Variants in STT3B observed in about 807,000 individuals in gnomAD.
STT3B encodes the protein STT3 oligosaccharyltransferase complex catalytic subunit B, also known as dolichyl-diphosphooligosaccharide--protein glycosyltransferase subunit STT3B.
In STT3B, 29 loss-of-function variants were observed where a neutral mutation model predicts 96.8. The ratio of observed to expected loss-of-function variants is 0.30; its 90% CI spans 0.22 to 0.41. The LOEUF is 0.41. STT3B is among the 10% of genes least tolerant of loss of function. The probability of loss-of-function intolerance (pLI) is 1.00; values close to 1 mark genes in which losing one functional copy is unlikely to be tolerated. For synonymous variants in STT3B, 367 were observed against 360.0 expected (o/e 1.02, Z -0.22); for missense variants, 640 against 1,022.3 (o/e 0.63, Z 5.10).
intron 5 of STT3B, among the ~76,000 whole-genome samples, chr3:31,600,835 C>T (rs1402919414): frequency 1.3e-5 from 2 of 152,060 alleles, no homozygotes; most frequent in Admixed American, 6.5e-5. Context: ...CTTTCAGAAG[C>T]TCTTTTTTGG....
intron 4 of STT3B, among the ~76,000 whole-genome samples, chr3:31,599,478 T>C (rs1698876448): frequency 6.6e-6 from 1 of 152,184 alleles, no homozygotes; most frequent in South Asian, 2.1e-4. Flanking sequence ...GGCAGAAAAC[T>C]GATGTATGTA....
intron 11 of STT3B, among the ~76,000 whole-genome samples, chr3:31,624,299 C>T (rs902893545): frequency 1.3e-5 from 2 of 152,192 alleles, no homozygotes; most frequent in Admixed American, 6.5e-5. Context: ...CTTTCTTTGT[C>T]CTCTCCTCCA....
intron 3 of STT3B, among the ~76,000 whole-genome samples, chr3:31,582,065 T>G (rs970987768): frequency 7.9e-5 from 12 of 152,180 alleles, no homozygotes; most frequent in African/African-American, 2.9e-4. Flanking sequence ...TTTAGTGATT[T>G]GAGTCTTCTC....
At chr3:31,573,526 TGA>T (rs1298149262) in intron 1 of STT3B, among the ~76,000 whole-genome samples, 5 of 152,106 alleles carry the variant, frequency 3.3e-5, no homozygotes, top group Non-Finnish European at 7.4e-5. Flanking sequence ...GTATAGGATG[TGA>T]GAGAGAAGGA....
intron 1 of STT3B, among the ~76,000 whole-genome samples, chr3:31,565,731 G>A (rs1437877777): frequency 2.0e-5 from 3 of 152,166 alleles, no homozygotes; most frequent in Non-Finnish European, 2.9e-5. Context: ...TGGTGAGTGA[G>A]GATGGTTGTT....
chr3:31,565,726 A>G (rs1697988782), intron 1 of STT3B, among the ~76,000 whole-genome samples: 1 of 152,178 alleles, frequency 6.6e-6, no homozygotes, highest in Admixed American at 6.5e-5. Flanking sequence ...TAAGGTGGTG[A>G]GTGAGGATGG....
rs142452872 is a variant in STT3B at position 31,589,890 on chromosome 3, T to A, written c.712-6908T>A. Among the ~76,000 whole-genome samples the A allele has an allele frequency of 2.2e-3, 333 of 152,068 alleles. 1 individual carries two copies. The highest frequency in any genetic ancestry group is 0.01 in the Middle Eastern group (3 of 294). On this transcript the variant is annotated intron_variant, in intron 3 of 15. Coordinates refer to ENST00000295770, the MANE Select transcript of STT3B (RefSeq NM_178862.3). ...CTAACATCACGTTGGACAGGGTACT[T>A]TTTCCTGCCCTATTTCCTGAAATAA...
chr3:31,619,952 T>G, intron 9 of STT3B, 122 bp downstream of exon 9: 1 of 1,510,538 alleles, frequency 6.6e-7, no homozygotes, highest in Non-Finnish European at 8.8e-7. Flanking sequence ...ATTTTCTCCT[T>G]TATTTTGCAT....
chr3:31,543,205 C>T (rs892822923), intron 1 of STT3B, among the ~76,000 whole-genome samples: 1 of 151,928 alleles, frequency 6.6e-6, no homozygotes, highest in African/African-American at 2.4e-5. Context: ...TTACTTAGGA[C>T]TGTTTATTTG....
chr3:31,550,551 A>G (rs1697526543), intron 1 of STT3B, among the ~76,000 whole-genome samples: 1 of 152,236 alleles, frequency 6.6e-6, no homozygotes, highest in Non-Finnish European at 1.5e-5. Context: ...GAGTTAACCT[A>G]GTAAAAAAAG....
chr3:31,584,815 A>C (rs1210440026), intron 3 of STT3B, among the ~76,000 whole-genome samples: 1 of 152,148 alleles, frequency 6.6e-6, no homozygotes, highest in Non-Finnish European at 1.5e-5. Flanking sequence ...TGACAAATTG[A>C]CACTTTTGAA....
At chr3:31,560,869 T>G (rs1697861788) in intron 1 of STT3B, among the ~76,000 whole-genome samples, 1 of 152,132 alleles carries the variant, frequency 6.6e-6, no homozygotes, top group Admixed American at 6.5e-5. Context: ...TCTCTTCACC[T>G]TCTAGGACAC....
intron 6 of STT3B, among the ~76,000 whole-genome samples, chr3:31,616,109 T>C (rs1346293055): frequency 6.6e-6 from 1 of 151,880 alleles, no homozygotes; most frequent in Non-Finnish European, 1.5e-5. Context: ...AGGGAAACTG[T>C]ATTTTTATGC....
chr3:31,608,822 A>G (rs762554947), intron 5 of STT3B, among the ~76,000 whole-genome samples: 7 of 152,252 alleles, frequency 4.6e-5, no homozygotes, highest in Non-Finnish European at 7.3e-5. Context: ...CGACAATAAG[A>G]AAAGGATGTG....
At chr3:31,633,332 A>C in intron 15 of STT3B, 185 bp downstream of exon 15, 1 of 614,132 alleles carries the variant, frequency 1.6e-6, no homozygotes, top group Non-Finnish European at 2.7e-6. Context: ...AGCACTTCAG[A>C]TATCCCAAGC....
intron 1 of STT3B, among the ~76,000 whole-genome samples, chr3:31,541,727 C>T (rs1697275191): frequency 6.6e-6 from 1 of 152,042 alleles, no homozygotes; most frequent in Non-Finnish European, 1.5e-5. Context: ...CAGGCGCCCG[C>T]GACCATGCCC....
At chr3:31,611,181 C>T (rs547159804) in intron 5 of STT3B, among the ~76,000 whole-genome samples, 98 of 152,224 alleles carry the variant, frequency 6.4e-4, no homozygotes, top group Non-Finnish European at 1.3e-3. Flanking sequence ...CAGTACCAGA[C>T]ATTAATTACC....
chr3:31,602,514 A>G (rs1698951618), intron 5 of STT3B, among the ~76,000 whole-genome samples: 1 of 152,142 alleles, frequency 6.6e-6, no homozygotes, highest in African/African-American at 2.4e-5. Context: ...GAAGTAGTCA[A>G]ATAAGTATAT....
chr3:31,616,183 A>G (rs926200746), intron 6 of STT3B, among the ~76,000 whole-genome samples: 6 of 151,916 alleles, frequency 3.9e-5, no homozygotes, highest in Non-Finnish European at 5.9e-5. Context: ...AGTACGATCT[A>G]ATGGCAACAG....
Sources: allele counts gnomAD v4.1 joint callset (sites outside exome capture counted in the v4.1 genomes callset), GRCh38; gene constraint gnomAD v4.1.1; transcripts MANE v1.5; gene names NCBI Gene and HGNC (gene_info 2026-07-23, HGNC 2026-07-21).